Variants in MYOF observed in about 807,000 individuals in gnomAD.
The protein encoded by MYOF is myoferlin.
MYOF carries 244 observed loss-of-function variants against 284.2 expected under a neutral mutation model. The observed-to-expected ratio is 0.86, with a 90% confidence interval of 0.77 to 0.95. The LOEUF is 0.95. MYOF is among the 40% of genes least tolerant of loss of function. MYOF has a pLI of 0.00. For missense variants in MYOF, 2,496 were observed against 2,560.6 expected (o/e 0.97, Z 0.54); for synonymous variants, 904 against 919.7 (o/e 0.98, Z 0.31).
At chr10:93,316,836 C>T in intron 49 of MYOF, 23 bp from the exon 50 acceptor site, 2 of 1,586,238 alleles carry the variant, frequency 1.3e-6, no homozygotes, top group Non-Finnish European at 1.7e-6. Context: ...GAAACATGAT[C>T]ATGATGACTC....
intron 24 of MYOF, among the ~76,000 whole-genome samples, chr10:93,370,337 A>G (rs1389486304): frequency 5.6e-5 from 4 of 71,982 alleles, no homozygotes; most frequent in Non-Finnish European, 6.7e-5. Context: ...TTTTTTTTTG[A>G]GACAGAGTCT....
chr10:93,355,744 CA>C lies in MYOF; in HGVS notation c.3295-9del. The C allele has an allele frequency of 6.2e-7, 1 of 1,606,854 alleles. No individual in the cohort carries two copies. Among genetic ancestry groups the C allele is most frequent in the Non-Finnish European group, 8.5e-7 (1 of 1,174,658 alleles). ...TTCGGTAGTGTCTGCCCCCTGAAGTCAATTAACAGAGTCAATTAGCAGAGAA... is the reference window on the plus strand; with the variant it reads ...TTCGGTAGTGTCTGCCCCCTGAAGTCATTAACAGAGTCAATTAGCAGAGAA... On this transcript the variant is annotated splice_polypyrimidine_tract_variant and intron_variant, in intron 30 of 53. Transcript: ENST00000359263.
intron 25 of MYOF, 118 bp downstream of exon 25, chr10:93,369,527 G>C: frequency 7.1e-7 from 1 of 1,406,684 alleles, no homozygotes; most frequent in Non-Finnish European, 9.6e-7. Flanking sequence ...GGGATTTTAG[G>C]GGATGGTAAG....
At chr10:93,381,765 G>A (rs373385370) in intron 19 of MYOF, among the ~76,000 whole-genome samples, 136 of 152,278 alleles carry the variant, frequency 8.9e-4, no homozygotes, top group African/African-American at 2.9e-3. Context: ...GGCTGGGTAC[G>A]GTGGCTCATG....
chr10:93,363,298 G>A (rs570468822), intron 27 of MYOF, among the ~76,000 whole-genome samples: 14 of 152,288 alleles, frequency 9.2e-5, no homozygotes, highest in Admixed American at 8.5e-4. Flanking sequence ...TATGGATTGG[G>A]GAGAATAATT....
At chr10:93,333,592 TTAGA>T (rs973400771) in intron 42 of MYOF, among the ~76,000 whole-genome samples, 162 bp downstream of exon 42, 5 of 152,192 alleles carry the variant, frequency 3.3e-5, no homozygotes, top group Admixed American at 6.5e-5. Context: ...CCGCAAGCTC[TTAGA>T]TAAATCCCCA....
chr10:93,426,882 GTC>G lies in MYOF; in HGVS notation c.346-726_346-725del, dbSNP rs1344185923. Among the ~76,000 whole-genome samples, 473 of 93,398 alleles carry G rather than the reference GTC, an allele frequency of 5.1e-3. 1 individual carries two copies. The highest frequency in any genetic ancestry group is 0.013 in the African/African-American group (441 of 32,884). The allele number at this position is 93,398 out of a possible 152,430, so 61.3% of individuals were successfully genotyped here. A position where few individuals can be genotyped will look rare whatever the true frequency, so the allele number is the denominator to read the frequency against. ...CCCGCCTAGGCAAAAGAACGAGACT[GTC>G]TTTTTTTTTTTTTTTTTTTTTGAGA... is the stretch of plus-strand genomic sequence containing the variant. On this transcript the variant is annotated intron_variant, in intron 4 of 53. Transcript: ENST00000359263.
chr10:93,327,724 C>A (rs1843114837), intron 45 of MYOF, among the ~76,000 whole-genome samples: 1 of 152,022 alleles, frequency 6.6e-6, no homozygotes, highest in Non-Finnish European at 1.5e-5. Flanking sequence ...GATACCAAGT[C>A]CTCTTTAAAA....
intron 1 of MYOF, among the ~76,000 whole-genome samples, chr10:93,460,782 A>AAAG (rs1554871525): frequency 7.1e-6 from 1 of 140,088 alleles, no homozygotes; most frequent in Non-Finnish European, 1.5e-5. Flanking sequence ...AAAAAAAAAA[A>AAAG]AAAGAAAGAA....
intron 3 of MYOF, among the ~76,000 whole-genome samples, chr10:93,433,761 C>G (rs1848977075): frequency 6.6e-6 from 1 of 152,284 alleles, no homozygotes; most frequent in East Asian, 1.9e-4. Context: ...AAAGTTGTTT[C>G]TCAGAGGTGC....
At chr10:93,360,904 G>A (rs1307859975) in intron 28 of MYOF, among the ~76,000 whole-genome samples, 2 of 152,176 alleles carry the variant, frequency 1.3e-5, no homozygotes, top group East Asian at 3.9e-4. Context: ...AACCTGACCA[G>A]TTGGCCCCAT....
chr10:93,337,264 T>C (rs1374205996), intron 40 of MYOF, among the ~76,000 whole-genome samples: 1 of 151,656 alleles, frequency 6.6e-6, no homozygotes, highest in African/African-American at 2.4e-5. Context: ...CACTACAGGC[T>C]GAAAATTGAA....
chr10:93,323,499 G>A, intron 46 of MYOF, 141 bp from the exon 47 acceptor site: 1 of 752,666 alleles, frequency 1.3e-6, no homozygotes, highest in East Asian at 2.7e-5. Flanking sequence ...GGCAAGAAGT[G>A]GAAGAGAGCA....
At chr10:93,331,395 G>A (rs1280960305) in intron 43 of MYOF, among the ~76,000 whole-genome samples, 1 of 152,146 alleles carries the variant, frequency 6.6e-6, no homozygotes, top group Non-Finnish European at 1.5e-5. Context: ...GCCGAGCAGA[G>A]CCTACAGCAC....
At chr10:93,401,696 A>C in intron 11 of MYOF, 152 bp from the exon 12 acceptor site, 4 of 1,000,048 alleles carry the variant, frequency 4.0e-6, no homozygotes, top group Non-Finnish European at 5.8e-6. Context: ...ATCAGCCACC[A>C]GTTTTCCTTC....
intron 2 of MYOF, among the ~76,000 whole-genome samples, chr10:93,455,712 G>C (rs1371289986): frequency 6.6e-6 from 1 of 152,142 alleles, no homozygotes; most frequent in Admixed American, 6.6e-5. Flanking sequence ...TTATCTTATA[G>C]AGATATTGAA....
At chr10:93,437,118 T>C (rs1219437995) in intron 3 of MYOF, among the ~76,000 whole-genome samples, 2 of 152,032 alleles carry the variant, frequency 1.3e-5, no homozygotes, top group Non-Finnish European at 2.9e-5. Flanking sequence ...GAGTTTGGAG[T>C]CGAGTCTCTA....
intron 20 of MYOF, 39 bp downstream of exon 20, chr10:93,381,179 AT>A (rs754118653): frequency 5.9e-5 from 94 of 1,606,740 alleles, no homozygotes; most frequent in Non-Finnish European, 2.6e-5. Context: ...TGGTGCACCC[AT>A]TGTAAACGTG....
chr10:93,307,035 A>G (rs1451939866), intron 53 of MYOF, 34 bp from the exon 54 acceptor site: 1 of 1,570,100 alleles, frequency 6.4e-7, no homozygotes, highest in South Asian at 1.1e-5. Context: ...GTAAAAAAAC[A>G]TGTATGTATA....
Sources: allele counts gnomAD v4.1 joint callset (sites outside exome capture counted in the v4.1 genomes callset), GRCh38; gene constraint gnomAD v4.1.1; transcripts MANE v1.5; gene names NCBI Gene and HGNC (gene_info 2026-07-23, HGNC 2026-07-21).